RNF13: variants seen among roughly 807,000 people sequenced by gnomAD.
The protein encoded by RNF13 is ring finger protein 13, also known as E3 ubiquitin-protein ligase RNF13.
A neutral mutation model predicts 37.7 loss-of-function variants in RNF13; 19 were observed. The ratio of observed to expected loss-of-function variants is 0.50; its 90% CI spans 0.35 to 0.74. RNF13 has a LOEUF of 0.74. Among genes scored for constraint, RNF13 ranks in the 30% least tolerant of loss-of-function variants. The pLI, the probability that RNF13 is intolerant of heterozygous loss-of-function variation, is 0.01. For missense variants in RNF13, 375 were observed against 453.0 expected, an observed-to-expected ratio of 0.83 and a Z score of 1.56; for synonymous variants, 144 against 157.8, an observed-to-expected ratio of 0.91 and a Z score of 0.65.
intron 5 of RNF13, among the ~76,000 whole-genome samples, chr3:149,900,458 C>T (rs1715704705): frequency 6.6e-6 from 1 of 151,968 alleles, no homozygotes; most frequent in South Asian, 2.1e-4. Context: ...CCTGTAGCCC[C>T]AGCTACTTGG....
At chr3:149,877,762 C>T (rs1350988540) in intron 4 of RNF13, among the ~76,000 whole-genome samples, 2 of 151,994 alleles carry the variant, frequency 1.3e-5, no homozygotes, top group Non-Finnish European at 2.9e-5. Context: ...TGTTATTAAT[C>T]TACTTCAGAA....
intron 7 of RNF13, among the ~76,000 whole-genome samples, chr3:149,917,899 CATTT>C (rs1442308024): frequency 2.0e-5 from 3 of 152,164 alleles, no homozygotes; most frequent in African/African-American, 7.2e-5. Flanking sequence ...AAAATTAACT[CATTT>C]AAAGTACACA....
intron 5 of RNF13, among the ~76,000 whole-genome samples, chr3:149,897,218 A>G (rs1286013656): frequency 6.6e-6 from 1 of 152,216 alleles, no homozygotes; most frequent in African/African-American, 2.4e-5. Context: ...TCCTACTTGT[A>G]TCAGTTGTAT....
intron 1 of RNF13, among the ~76,000 whole-genome samples, chr3:149,831,967 A>C (rs1452769822): frequency 1.3e-5 from 2 of 152,188 alleles, no homozygotes; most frequent in African/African-American, 4.8e-5. Context: ...ATTTGTAGGA[A>C]AAATAACCTA....
At chr3:149,939,883 T>A in intron 8 of RNF13, 1 of 412,184 alleles carries the variant, frequency 2.4e-6, no homozygotes, top group Non-Finnish European at 4.6e-6. Context: ...CAGGATGGAA[T>A]CACACCAGGG....
At chr3:149,816,242 A>G (rs748804339) in intron 1 of RNF13, among the ~76,000 whole-genome samples, 35 of 152,100 alleles carry the variant, frequency 2.3e-4, no homozygotes, top group Admixed American at 4.6e-4. Context: ...TTAAGGCATC[A>G]CAGATACATA....
At chr3:149,922,235 G>A (rs1718207892) in intron 8 of RNF13, among the ~76,000 whole-genome samples, 1 of 152,194 alleles carries the variant, frequency 6.6e-6, no homozygotes, top group Non-Finnish European at 1.5e-5. Context: ...GCCTCCCAGA[G>A]TGCTGGGACT....
chr3:149,850,249 G>C (rs1382352334), intron 2 of RNF13, among the ~76,000 whole-genome samples: 1 of 152,126 alleles, frequency 6.6e-6, no homozygotes, highest in African/African-American at 2.4e-5. Context: ...CAAAGTGCTA[G>C]GATTACAGGT....
At chr3:149,846,445 G>C (rs1276193601) in intron 2 of RNF13, among the ~76,000 whole-genome samples, 4 of 152,086 alleles carry the variant, frequency 2.6e-5, no homozygotes, top group Admixed American at 2.6e-4. Context: ...TGGAATTACA[G>C]GCGTGTGCCA....
chr3:149,921,869 C>T (rs556111371), intron 8 of RNF13, among the ~76,000 whole-genome samples: 62 of 152,154 alleles, frequency 4.1e-4, no homozygotes, highest in Non-Finnish European at 8.4e-4. Flanking sequence ...CCTGAGGAAT[C>T]GCCACACTGT....
At chr3:149,843,052 A>G (rs941313702) in intron 1 of RNF13, among the ~76,000 whole-genome samples, 6 of 152,232 alleles carry the variant, frequency 3.9e-5, no homozygotes, top group African/African-American at 7.2e-5. Context: ...CATGGATTCA[A>G]TCAACTGCAG....
At chr3:149,914,480 AAGT>A (rs1717298993) in intron 7 of RNF13, among the ~76,000 whole-genome samples, 1 of 152,206 alleles carries the variant, frequency 6.6e-6, no homozygotes, top group Admixed American at 6.5e-5. Flanking sequence ...AGAAGCAAGA[AAGT>A]AGAGAGTAAG....
intron 3 of RNF13, among the ~76,000 whole-genome samples, chr3:149,860,148 C>T (rs1466873467): frequency 6.6e-6 from 1 of 150,838 alleles, no homozygotes; most frequent in Admixed American, 6.6e-5. Flanking sequence ...CACCTGTAGT[C>T]CCAGCTACTC....
intron 2 of RNF13, among the ~76,000 whole-genome samples, chr3:149,851,831 C>G (rs981683757): frequency 5.9e-5 from 9 of 152,286 alleles, no homozygotes; most frequent in Non-Finnish European, 1.3e-4. Flanking sequence ...GCAAACTCAT[C>G]TCACAATTAT....
chr3:149,871,448 G>A (rs1489115931), intron 3 of RNF13, among the ~76,000 whole-genome samples: 1 of 148,862 alleles, frequency 6.7e-6, no homozygotes, highest in African/African-American at 2.5e-5. Context: ...TCAGTTTAGT[G>A]TATACAGGTC....
Position 149,837,278 on chromosome 3 carries a change from A to G in RNF13, c.-16-8733A>G, listed in dbSNP as rs535918964. Among the ~76,000 whole-genome samples the G allele has an allele frequency of 3.3e-5, 5 of 152,326 alleles. No individual in the cohort carries two copies. In the East Asian group the frequency reaches 9.6e-4, roughly 29 times the overall value. ...ATATAGAAAAGCAGAGAAATAGTGT[A>G]ATGAATCTCAATGTAATCTTCACCT... On this transcript the variant is annotated intron_variant, in intron 1 of 9. Transcript: ENST00000392894.
At chr3:149,819,312 G>A (rs559432531) in intron 1 of RNF13, among the ~76,000 whole-genome samples, 1 of 152,050 alleles carries the variant, frequency 6.6e-6, no homozygotes, top group East Asian at 1.9e-4. Flanking sequence ...GCTATTTACC[G>A]GTAAGATTAC....
At chr3:149,837,506 T>A (rs573930671) in intron 1 of RNF13, among the ~76,000 whole-genome samples, 2 of 152,302 alleles carry the variant, frequency 1.3e-5, no homozygotes, top group South Asian at 4.1e-4. Flanking sequence ...GACTTACAGT[T>A]CCACATCACT....
chr3:149,959,049 A>T (rs370409142), intron 8 of RNF13, among the ~76,000 whole-genome samples: 1 of 152,142 alleles, frequency 6.6e-6, no homozygotes, highest in African/African-American at 2.4e-5. Flanking sequence ...TTTATTTCTG[A>T]TATGTCTTCC....
Sources: gnomAD v4.1 joint callset for allele counts (sites outside exome capture counted in the v4.1 genomes callset) on GRCh38, gnomAD v4.1.1 for gene constraint, MANE v1.5 for transcripts, NCBI Gene and HGNC (gene_info 2026-07-23, HGNC 2026-07-21) for gene names.